Variants in BCL2L10 observed in about 807,000 individuals in gnomAD.
BCL2L10 encodes bcl-2-like protein 10.
In BCL2L10, 14 loss-of-function variants were observed where a neutral mutation model predicts 11.1. The ratio of observed to expected loss-of-function variants is 1.26; its 90% confidence interval spans 0.83 to 1.96. The LOEUF is 1.96. Among genes scored for constraint, BCL2L10 ranks in the 30% most tolerant of loss-of-function variants. The pLI is 0.00. For missense variants in BCL2L10, 309 were observed against 273.9 expected, an observed-to-expected ratio of 1.13 and a Z score of -0.90; for synonymous variants, 154 against 133.4, an observed-to-expected ratio of 1.15 and a Z score of -1.07.
intron 1 of BCL2L10, 176 bp downstream of exon 1, chr15:52,112,062 G>C: frequency 8.0e-7 from 1 of 1,251,338 alleles, no homozygotes; most frequent in South Asian, 1.9e-5. Flanking sequence ...TCTGCCAGGG[G>C]AGGAGAAACC....
rs2033012368 is a variant in BCL2L10, at chr15:52,109,299, G to A, written c.*549C>T. 1 of 152,186 alleles carries A rather than the reference G, an allele frequency of 6.6e-6. No individual in the cohort carries two copies. Among genetic ancestry groups the A allele is most frequent in the South Asian group, 2.1e-4 (1 of 4,822 alleles). 9.4% of individuals were successfully genotyped at this position (152,186 alleles called of 1,614,324 possible). ...GGTACAAATTTATTAAAACTTTGCA[G>A]TTAACAATTATTGAAGAAATTAGTA... On this transcript the variant is annotated 3_prime_UTR_variant, in exon 2 of 2. Transcript: ENST00000260442.
Position 52,112,721 on chromosome 15 carries a change from A to C in BCL2L10, c.6T>G (p.Val2=), listed in dbSNP as rs775643149. M[V]DQLRERTTMA... is the part of the protein sequence containing the mutation. ...TGGTGGTGCGCTCCCGCAACTGGTC[A>C]ACCATGGTCCGGCCTCTGCTGGGGG... Residue 2 remains valine (V), a synonymous_variant, in exon 1 of 2, where the codon GTT becomes GTG. Coordinates refer to ENST00000260442, the MANE Select transcript of BCL2L10 (RefSeq NM_020396.4). 1.3e-6 allele frequency: 2 copies of C among 1,532,148 alleles called. No individual in the cohort carries two copies. The highest frequency in any genetic ancestry group is 5.0e-5 in the East Asian group (2 of 40,324). The allele number at this position is 1,532,148 out of a possible 1,614,324, so 94.9% of individuals were successfully genotyped here. A position where few individuals can be genotyped will look rare whatever the true frequency, so the allele number is the denominator to read the frequency against.
rs2033083976 is a variant in BCL2L10, at chr15:52,112,678, CCCGCAGCGGGTCGGCCATGGT to C, written c.28_48del (p.Thr10_Arg16del). ...TCGGCCAGCAACAGCTCGGTGCGCT[CCCGCAGCGGGTCGGCCATGGT>C]GGTGCGCTCCCGCAACTGGTCAACC... On this transcript the variant is annotated inframe_deletion, in exon 1 of 2. Coordinates refer to ENST00000260442, the MANE Select transcript of BCL2L10 (RefSeq NM_020396.4). 3.2e-6 allele frequency: 5 copies of C among 1,543,762 alleles called. No individual in the cohort carries two copies. The African/African-American group carries it at 6.9e-5, about 21-fold the overall frequency.
At position 52,109,893 on chromosome 15, in the gene BCL2L10, G is replaced by A; in HGVS notation, c.570C>T (p.Cys190=). 1 of 1,613,824 alleles carries A rather than the reference G, an allele frequency of 6.2e-7. No homozygotes were observed. Among genetic ancestry groups the A allele is most frequent in the Non-Finnish European group, 8.5e-7 (1 of 1,179,806 alleles). The change falls in exon 2 of 2, where the codon TGC becomes TGT. Residue 190 remains cysteine, a synonymous_variant. Transcript: ENST00000260442. ...GATAAATGAAGGCTGTTGTTAACAA[G>A]CATGACAGAAAAGCCTGGACCAGCT... The part of the protein sequence containing the change: ...RKQLVQAFLS[C]LLTTAFIYLW...
At chr15:52,110,909 C>T (rs747864641) in intron 1 of BCL2L10, among the ~76,000 whole-genome samples, 3 of 152,068 alleles carry the variant, frequency 2.0e-5, no homozygotes, top group Non-Finnish European at 2.9e-5. Context: ...CTCTTAGGCA[C>T]GCAGCTGAAG....
In BCL2L10 at chr15:52,112,553, C is replaced by A; in HGVS notation, c.174G>T (p.Gln58His). The change falls in exon 1 of 2, where the codon CAG becomes CAT. Residue 58 changes from glutamine (Q) to histidine (H), a missense_variant. By Grantham distance (24) the Gln-to-His change is conservative. Transcript: ENST00000260442. Reference protein sequence around the residue: ...VLRSAAARLRQIHRSFFSAYL... With the variant: ...VLRSAAARLRHIHRSFFSAYL... ...AGGCGGAGAAAAAGGACCGGTGAAT[C>A]TGCCGTAACCTGGCGGCCGCGGAGC... 1 of 1,582,962 alleles carries A rather than the reference C, an allele frequency of 6.3e-7. No individual in the cohort carries two copies. The highest frequency in any genetic ancestry group is 8.5e-7 in the Non-Finnish European group (1 of 1,170,792).
chr15:52,110,036 G>A (rs759735509), intron 1 of BCL2L10, 63 bp from the exon 2 acceptor site: 12 of 1,462,242 alleles, frequency 8.2e-6, no homozygotes, highest in South Asian at 2.6e-5. Flanking sequence ...CTCAAAACAC[G>A]CAGGAACTTC....
rs897928469 is a variant in BCL2L10, at chr15:52,109,645, C to T, written c.*203G>A. ...CCCATTTCTTTCACTCAAGGAAGAG[C>T]CATTTGCATTCTTGTCCTCACACCT... On this transcript the variant is annotated 3_prime_UTR_variant, in exon 2 of 2. Coordinates refer to ENST00000260442, the MANE Select transcript of BCL2L10 (RefSeq NM_020396.4). 8.1e-5 allele frequency: 47 copies of T among 580,980 alleles called. No individual in the cohort carries two copies. Among genetic ancestry groups the T allele is most frequent in the Non-Finnish European group, 1.2e-4 (42 of 345,902 alleles). 36.0% of individuals were successfully genotyped at this position (580,980 alleles called of 1,614,324 possible). A position where few individuals can be genotyped will look rare whatever the true frequency, so the allele number is the denominator to read the frequency against.
chr15:52,111,216 A>G (rs183961100), intron 1 of BCL2L10, among the ~76,000 whole-genome samples: 3 of 148,392 alleles, frequency 2.0e-5, no homozygotes, highest in African/African-American at 7.6e-5. Context: ...ACACACACAC[A>G]CAGTTAGCCA....
rs745673827 is a variant in BCL2L10 at position 52,112,510 on chromosome 15, T to A, written c.217A>T (p.Asn73Tyr). The change falls in exon 1 of 2, where the codon AAC becomes TAC. Residue 73 changes from asparagine to tyrosine, a missense_variant. Transcript: ENST00000260442. ...FFSAYLGYPG[N>Y]RFELVALMAD... ...ATCAGCGCCACCAGCTCGAAGCGGT[T>A]CCCGGGGTAGCCGAGGTAGGCGGAG... The A allele has an allele frequency of 1.3e-6, 2 of 1,598,150 alleles. No homozygotes were observed.
At chr15:52,111,188 AC>A in intron 1 of BCL2L10, among the ~76,000 whole-genome samples, 1 of 149,210 alleles carries the variant, frequency 6.7e-6, no homozygotes, top group Non-Finnish European at 1.5e-5. Flanking sequence ...ACACACACAC[AC>A]ACACACACAC....
Position 52,112,430 on chromosome 15 carries a change from CG to C in BCL2L10, c.296del (p.Thr99SerfsTer3). On this transcript the variant is annotated frameshift_variant, in exon 1 of 2. Transcript: ENST00000260442. LOFTEE classifies it high-confidence loss of function. ...GCAGCGTCCCTGCGAAGGTCACGAGCGTCACCACTCTGCCCCAGGTGGGGCC... is the reference window on the plus strand; with the variant it reads ...GCAGCGTCCCTGCGAAGGTCACGAGCTCACCACTCTGCCCCAGGTGGGGCC... Reference protein sequence around the residue: ...SPGPTWGRVVTLVTFAGTLLE... With the variant: ...SPGPTWGRVVXLVTFAGTLLE... 1.2e-6 allele frequency: 2 copies of C among 1,607,278 alleles called. No individual in the cohort carries two copies. Among genetic ancestry groups the C allele is most frequent in the Non-Finnish European group, 1.7e-6 (2 of 1,179,550 alleles).
intron 1 of BCL2L10, 63 bp from the exon 2 acceptor site, chr15:52,110,036 G>T: frequency 6.8e-7 from 1 of 1,462,362 alleles, no homozygotes; most frequent in African/African-American, 1.4e-5. Flanking sequence ...CTCAAAACAC[G>T]CAGGAACTTC....
Position 52,112,654 on chromosome 15 carries a change from C to T in BCL2L10, c.73G>A (p.Asp25Asn). ...LRERTELLLA[D>N]YLGYCAREPG... Reference sequence around the variant, plus strand: ...TCCCGGGCGCAGTACCCCAGGTAGTCGGCCAGCAACAGCTCGGTGCGCTCC... The same window carrying T: ...TCCCGGGCGCAGTACCCCAGGTAGTTGGCCAGCAACAGCTCGGTGCGCTCC... Residue 25 changes from aspartate to asparagine, a missense_variant, in exon 1 of 2, where the codon GAC becomes AAC. By Grantham distance (23) the Asp-to-Asn change is conservative. Coordinates refer to ENST00000260442, the MANE Select transcript of BCL2L10 (RefSeq NM_020396.4). 2 of 1,554,674 alleles carry T rather than the reference C, an allele frequency of 1.3e-6. No individual in the cohort carries two copies. Among genetic ancestry groups the T allele is most frequent in the Non-Finnish European group, 1.7e-6 (2 of 1,157,776 alleles).
rs1566926375 is a variant in BCL2L10, at chr15:52,109,409, T to C, written c.*439A>G. Reference sequence around the variant, plus strand: ...GAATTCCTTATAAGTGATTTTAACATTACATTCTTTGTTAAACTGGGACTT... The same window carrying C: ...GAATTCCTTATAAGTGATTTTAACACTACATTCTTTGTTAAACTGGGACTT... On this transcript the variant is annotated 3_prime_UTR_variant, in exon 2 of 2. Transcript: ENST00000260442. The C allele has an allele frequency of 1.3e-5, 2 of 153,944 alleles. No homozygotes were observed. The highest frequency in any genetic ancestry group is 2.9e-5 in the Non-Finnish European group (2 of 69,332). The allele number at this position is 153,944 out of a possible 1,614,324, so 9.5% of individuals were successfully genotyped here. A position where few individuals can be genotyped will look rare whatever the true frequency, so the allele number is the denominator to read the frequency against.
rs1209523552 is a variant in BCL2L10 at position 52,109,895 on chromosome 15, A to C, written c.568T>G (p.Cys190Gly). ...TAAATGAAGGCTGTTGTTAACAAGC[A>C]TGACAGAAAAGCCTGGACCAGCTGT... ...RKQLVQAFLSCLLTTAFIYLW... is the reference protein window; with the variant it reads ...RKQLVQAFLSGLLTTAFIYLW... Residue 190 changes from cysteine (C) to glycine (G), a missense_variant, in exon 2 of 2, where the codon TGC becomes GGC. Physicochemically the swap from Cys to Gly is radical, Grantham distance 159 (BLOSUM62 -3). Transcript: ENST00000260442. The C allele has an allele frequency of 6.2e-7, 1 of 1,614,002 alleles. No individual in the cohort carries two copies. Among genetic ancestry groups the C allele is most frequent in the East Asian group, 2.2e-5 (1 of 44,890 alleles).
At position 52,109,991 on chromosome 15, in the gene BCL2L10, A is replaced by G. The variant is rs772639138; in HGVS notation, c.490-18T>C. ...AAGCCATCCTACAGGGGGGAGAGAG[A>G]AAAGTTAGATTGCCTCATGATGCTG... On this transcript the variant is annotated intron_variant, in intron 1 of 1. Transcript: ENST00000260442. 1 of 1,588,084 alleles carries G rather than the reference A, an allele frequency of 6.3e-7. No homozygotes were observed. Among genetic ancestry groups the G allele is most frequent in the Non-Finnish European group, 8.6e-7 (1 of 1,167,974 alleles).
intron 1 of BCL2L10, 134 bp downstream of exon 1, chr15:52,112,104 T>C: frequency 7.2e-7 from 1 of 1,384,052 alleles, no homozygotes; most frequent in African/African-American, 1.5e-5. Context: ...CCAGGCCCGC[T>C]GAAACGAGCC....
chr15:52,112,362 C>T lies in BCL2L10; in HGVS notation c.365G>A (p.Gly122Asp). Reference sequence around the variant, plus strand: ...CTGCTCCTTTAGCCGCGGCTGGAAGCCCCACTTCTTCCACCGGGCGGTCAC... The same window carrying T: ...CTGCTCCTTTAGCCGCGGCTGGAAGTCCCACTTCTTCCACCGGGCGGTCAC... Reference protein sequence around the residue: ...PLVTARWKKWGFQPRLKEQEG... With the variant: ...PLVTARWKKWDFQPRLKEQEG... The change falls in exon 1 of 2, where the codon GGC (glycine) becomes GAC (aspartate). Residue 122 changes from glycine (G) to aspartate (D), a missense_variant. Physicochemically the swap from Gly to Asp is moderately conservative, Grantham distance 94. Coordinates refer to ENST00000260442, the MANE Select transcript of BCL2L10 (RefSeq NM_020396.4). 1 of 1,603,272 alleles carries T rather than the reference C, an allele frequency of 6.2e-7. No individual in the cohort carries two copies. Among genetic ancestry groups the T allele is most frequent in the African/African-American group, 1.3e-5 (1 of 74,896 alleles).
Sources: allele counts gnomAD v4.1 joint callset (sites outside exome capture counted in the v4.1 genomes callset), GRCh38; gene constraint gnomAD v4.1.1; transcripts MANE v1.5; gene names NCBI Gene and HGNC (gene_info 2026-07-23, HGNC 2026-07-21).